Variants in FILIP1 observed in about 807,000 individuals in gnomAD.
FILIP1 encodes filamin A interacting protein 1.
A neutral mutation model predicts 102.1 loss-of-function variants in FILIP1; 61 were observed. The ratio of observed to expected loss-of-function variants is 0.60; its 90% CI spans 0.49 to 0.74. The LOEUF is 0.74. Ranked by LOEUF, FILIP1 falls within the 30% of genes least tolerant of loss-of-function variation. FILIP1 has a pLI of 0.00. For missense variants in FILIP1, 1,314 were observed against 1,441.2 expected (o/e 0.91, Z 1.43); for synonymous variants, 491 against 526.9 (o/e 0.93, Z 0.93).
intron 4 of FILIP1, among the ~76,000 whole-genome samples, chr6:75,343,247 A>G (rs1163090657): frequency 2.6e-5 from 4 of 152,214 alleles, no homozygotes; most frequent in Non-Finnish European, 4.4e-5. Flanking sequence ...GGCATCCTGG[A>G]CTTTCAGCCT....
chr6:75,397,541 C>T (rs1205681000), intron 2 of FILIP1, among the ~76,000 whole-genome samples: 5 of 11,876 alleles, frequency 4.2e-4, no homozygotes, highest in Non-Finnish European at 6.9e-4. Flanking sequence ...ATATAAGACA[C>T]ACACACACAC....
intron 1 of FILIP1, among the ~76,000 whole-genome samples, chr6:75,458,389 T>G (rs1451395316): frequency 1.3e-5 from 2 of 152,208 alleles, no homozygotes; most frequent in Admixed American, 6.5e-5. Context: ...TTCTTCTTCT[T>G]TTTATTAGAA....
intron 1 of FILIP1, among the ~76,000 whole-genome samples, chr6:75,483,169 A>C (rs1779691607): frequency 6.6e-6 from 1 of 152,202 alleles, no homozygotes; most frequent in South Asian, 2.1e-4. Flanking sequence ...TTACAGAATC[A>C]ATCAGAAAAT....
chr6:75,335,433 T>A (rs1052993265), intron 4 of FILIP1, among the ~76,000 whole-genome samples: 1 of 152,146 alleles, frequency 6.6e-6, no homozygotes, highest in African/African-American at 2.4e-5. Flanking sequence ...GCTTCTATCA[T>A]CTTCAAATTA....
intron 2 of FILIP1, chr6:75,386,185 C>T (rs1232197368): frequency 6.6e-6 from 1 of 152,108 alleles, no homozygotes; most frequent in Non-Finnish European, 1.5e-5. Flanking sequence ...GGTCAGGAAC[C>T]TTCTCTGAGC....
chr6:75,416,586 CAAA>C (rs35413915), intron 1 of FILIP1, among the ~76,000 whole-genome samples: 28 of 130,570 alleles, frequency 2.1e-4, no homozygotes, highest in Admixed American at 2.3e-4. Flanking sequence ...AGCCCCAATC[CAAA>C]AAAAAAAAAA....
chr6:75,469,277 G>C (rs1405833918), intron 1 of FILIP1, among the ~76,000 whole-genome samples: 2 of 152,012 alleles, frequency 1.3e-5, no homozygotes, highest in Non-Finnish European at 2.9e-5. Context: ...TAAATGTAGA[G>C]AGACACTGAC....
At chr6:75,470,264 T>C (rs1779293283) in intron 1 of FILIP1, among the ~76,000 whole-genome samples, 1 of 152,176 alleles carries the variant, frequency 6.6e-6, no homozygotes, top group Non-Finnish European at 1.5e-5. Flanking sequence ...TATATTGCCA[T>C]TGATTGTTTT....
At chr6:75,418,307 T>C (rs889282260) in intron 1 of FILIP1, among the ~76,000 whole-genome samples, 10 of 152,344 alleles carry the variant, frequency 6.6e-5, no homozygotes, top group African/African-American at 2.4e-4. Flanking sequence ...AACACTCACA[T>C]AGCAATTTAA....
At chr6:75,391,533 C>T (rs1299773439) in intron 2 of FILIP1, among the ~76,000 whole-genome samples, 1 of 152,104 alleles carries the variant, frequency 6.6e-6, no homozygotes, top group African/African-American at 2.4e-5. Context: ...CACTTTCATA[C>T]ACCTACTGCA....
intron 4 of FILIP1, among the ~76,000 whole-genome samples, chr6:75,351,096 C>A (rs1350471513): frequency 6.6e-6 from 1 of 151,880 alleles, no homozygotes; most frequent in Non-Finnish European, 1.5e-5. Context: ...GACAGAGTTT[C>A]GCTCTTGTTG....
chr6:75,392,947 GA>G (rs1284791708), intron 2 of FILIP1, among the ~76,000 whole-genome samples: 1 of 152,168 alleles, frequency 6.6e-6, no homozygotes, highest in Admixed American at 6.6e-5. Context: ...GTGGAACTAT[GA>G]ATCCAATTAA....
intron 4 of FILIP1, among the ~76,000 whole-genome samples, chr6:75,332,932 G>T (rs1774127819): frequency 6.6e-6 from 1 of 152,128 alleles, no homozygotes; most frequent in Non-Finnish European, 1.5e-5. Context: ...GCTGGGCAAA[G>T]TCATGGTTTT....
chr6:75,420,452 C>T (rs1014509168), intron 1 of FILIP1, among the ~76,000 whole-genome samples: 18 of 152,062 alleles, frequency 1.2e-4, no homozygotes, highest in African/African-American at 3.6e-4. Context: ...TAATTAAAAT[C>T]CCCACATTGA....
At chr6:75,459,864 C>T (rs1268758241) in intron 1 of FILIP1, among the ~76,000 whole-genome samples, 1 of 152,114 alleles carries the variant, frequency 6.6e-6, no homozygotes, top group Non-Finnish European at 1.5e-5. Flanking sequence ...TCTCTGTTTC[C>T]TGGGAGGCAG....
At position 75,315,018 on chromosome 6, in the gene FILIP1, T is replaced by C; in HGVS notation, c.814A>G (p.Thr272Ala). The C allele has an allele frequency of 6.2e-7, 1 of 1,614,076 alleles. No individual in the cohort carries two copies. The highest frequency in any genetic ancestry group is 8.5e-7 in the Non-Finnish European group (1 of 1,180,012). Reference protein sequence around the residue: ...GLQSQKVQDLTQKLREEEEKL... With the variant: ...GLQSQKVQDLAQKLREEEEKL... ...TCTTCTTCTTCCCTCAGCTTCTGAGTAAGATCCTGTACTTTCTGGCTTTGC... is the reference window on the plus strand; with the variant it reads ...TCTTCTTCTTCCCTCAGCTTCTGAGCAAGATCCTGTACTTTCTGGCTTTGC... Residue 272 changes from threonine (T) to alanine (A), a missense_variant, in exon 5 of 6, where the codon ACT (threonine) becomes GCT (alanine). Coordinates refer to ENST00000237172, the MANE Select transcript of FILIP1 (RefSeq NM_015687.5).
intron 1 of FILIP1, among the ~76,000 whole-genome samples, chr6:75,439,227 G>A (rs895501634): frequency 2.0e-5 from 3 of 152,176 alleles, no homozygotes; most frequent in East Asian, 1.9e-4. Context: ...TTAGCCACGT[G>A]TGGTGGCATG....
At chr6:75,435,544 C>A (rs1777990526) in intron 1 of FILIP1, among the ~76,000 whole-genome samples, 1 of 152,194 alleles carries the variant, frequency 6.6e-6, no homozygotes, top group Admixed American at 6.5e-5. Flanking sequence ...AGTAACCTGG[C>A]AGTAAAATTA....
intron 4 of FILIP1, among the ~76,000 whole-genome samples, chr6:75,320,884 C>G (rs370735239): frequency 6.6e-6 from 1 of 152,172 alleles, no homozygotes; most frequent in African/African-American, 2.4e-5. Flanking sequence ...GCAAGATATC[C>G]CTTACTATCT....
Sources: gnomAD v4.1 joint callset for allele counts (sites outside exome capture counted in the v4.1 genomes callset) on GRCh38, gnomAD v4.1.1 for gene constraint, MANE v1.5 for transcripts, NCBI Gene and HGNC (gene_info 2026-07-23, HGNC 2026-07-21) for gene names.